Variants in RHOT1 observed in about 807,000 individuals in gnomAD.
RHOT1 encodes the protein mitochondrial Rho GTPase 1.
A neutral mutation model predicts 95.3 loss-of-function variants in RHOT1; 27 were observed. The observed-to-expected ratio is 0.28, with a 90% CI of 0.21 to 0.39. The LOEUF is 0.39. Ranked by LOEUF, RHOT1 falls within the 10% of genes least tolerant of loss-of-function variation. RHOT1 has a pLI of 1.00. For synonymous variants in RHOT1, 227 were observed against 263.5 expected, an observed-to-expected ratio of 0.86 and a Z score of 1.34; for missense variants, 578 against 786.7, an observed-to-expected ratio of 0.73 and a Z score of 3.17.
intron 1 of RHOT1, chr17:32,160,306 A>T (rs2033414849): frequency 6.6e-6 from 1 of 152,096 alleles, no homozygotes; most frequent in East Asian, 1.9e-4. Flanking sequence ...TACAGAGAGG[A>T]GGTACTCACT....
chr17:32,174,922 A>T (rs952870377), intron 3 of RHOT1, among the ~76,000 whole-genome samples: 2 of 152,188 alleles, frequency 1.3e-5, no homozygotes, highest in African/African-American at 4.8e-5. Flanking sequence ...CCTGCTATCT[A>T]GATCTTAAGC....
At chr17:32,224,563 A>G in intron 19 of RHOT1, 53 bp from the exon 20 acceptor site, 1 of 1,263,758 alleles carries the variant, frequency 7.9e-7, no homozygotes, top group Non-Finnish European at 1.1e-6. Context: ...TAACTGGTAT[A>G]GGGTTTTCAT....
At chr17:32,222,903 G>A (rs2038919050) in intron 19 of RHOT1, 1 of 985,244 alleles carries the variant, frequency 1.0e-6, no homozygotes, top group Non-Finnish European at 1.2e-6. Context: ...TTGAAGCCAG[G>A]TAACATTTCC....
chr17:32,175,476 G>C (rs9905372), intron 4 of RHOT1, 114 bp downstream of exon 4: 3 of 1,061,942 alleles, frequency 2.8e-6, no homozygotes, highest in South Asian at 2.7e-5. Context: ...TTTTGGGACC[G>C]TGTTTCACTC....
intron 8 of RHOT1, among the ~76,000 whole-genome samples, chr17:32,190,136 A>G (rs1289822625): frequency 2.0e-5 from 3 of 152,038 alleles, no homozygotes; most frequent in Non-Finnish European, 4.4e-5. Context: ...AGAGCTCTTT[A>G]GCTTTGCATT....
intron 11 of RHOT1, among the ~76,000 whole-genome samples, chr17:32,194,312 G>A (rs1598409679): frequency 6.6e-6 from 1 of 152,124 alleles, no homozygotes; most frequent in East Asian, 1.9e-4. Flanking sequence ...TATTTTTAAG[G>A]TTGATTTAGC....
At chr17:32,199,219 A>C (rs936609360) in intron 12 of RHOT1, among the ~76,000 whole-genome samples, 186 bp from the exon 13 acceptor site, 1 of 152,192 alleles carries the variant, frequency 6.6e-6, no homozygotes, top group Non-Finnish European at 1.5e-5. Flanking sequence ...GAAAATGTCT[A>C]ATTTCTAATA....
intron 1 of RHOT1, 65 bp downstream of exon 1, chr17:32,142,794 C>G: frequency 7.5e-7 from 1 of 1,330,268 alleles, no homozygotes; most frequent in Non-Finnish European, 1.0e-6. Flanking sequence ...GCCCCTGTCG[C>G]CCCTGTCGCC....
intron 2 of RHOT1, among the ~76,000 whole-genome samples, chr17:32,171,765 A>G (rs920692894): frequency 2.6e-5 from 4 of 152,184 alleles, no homozygotes; most frequent in African/African-American, 9.6e-5. Flanking sequence ...ATTATGATAC[A>G]TATATTTGAA....
chr17:32,151,430 A>G (rs1567651608), intron 1 of RHOT1: 3 of 633,884 alleles, frequency 4.7e-6, no homozygotes, highest in East Asian at 7.4e-5. Context: ...CTGTGGTGGT[A>G]TCACCTTCAT....
At chr17:32,189,818 C>A (rs182666982) in intron 8 of RHOT1, among the ~76,000 whole-genome samples, 2 of 150,474 alleles carry the variant, frequency 1.3e-5, no homozygotes, top group East Asian at 3.9e-4. Context: ...CTGCAACCTC[C>A]GCCTCCCAGG....
At chr17:32,173,978 C>G (rs1598351253) in intron 3 of RHOT1, 66 bp downstream of exon 3, 2 of 1,116,076 alleles carry the variant, frequency 1.8e-6, no homozygotes, top group East Asian at 2.4e-5. Context: ...AAGATACTTA[C>G]TGAGCTTTTA....
chr17:32,216,800 C>T (rs968332827), intron 19 of RHOT1, among the ~76,000 whole-genome samples: 2 of 152,042 alleles, frequency 1.3e-5, no homozygotes, highest in African/African-American at 4.8e-5. Flanking sequence ...TTCTAAAAAT[C>T]TTAATGTTGT....
At position 32,199,115 on chromosome 17, in the gene RHOT1, A is replaced by T. The variant is rs922674115; in HGVS notation, c.954+84A>T. ...ATAACTCTGTTCCCTGAGCTATGGG[A>T]TGTGTATGTTACATAGCCAAAAACT... On this transcript the variant is annotated intron_variant, in intron 12 of 19. Coordinates refer to ENST00000545287, the MANE Select transcript of RHOT1 (RefSeq NM_001033566.3). 4 of 1,107,888 alleles carry T rather than the reference A, an allele frequency of 3.6e-6. No individual in the cohort carries two copies. In the African/African-American group the frequency reaches 6.3e-5, roughly 17 times the overall value. The allele number at this position is 1,107,888 out of a possible 1,614,324, so 68.6% of individuals were successfully genotyped here. A position where few individuals can be genotyped will look rare whatever the true frequency, so the allele number is the denominator to read the frequency against.
At chr17:32,198,830 T>G (rs776178922) in intron 11 of RHOT1, 117 bp from the exon 12 acceptor site, 17 of 667,830 alleles carry the variant, frequency 2.5e-5, no homozygotes, top group African/African-American at 3.6e-5. Context: ...TGATACCAAG[T>G]GAAGATATTC....
chr17:32,222,310 T>C (rs142184973), intron 19 of RHOT1, among the ~76,000 whole-genome samples: 19 of 152,326 alleles, frequency 1.2e-4, no homozygotes, highest in African/African-American at 4.1e-4. Context: ...TTCACAGATA[T>C]ATATTTGTAG....
At chr17:32,211,894 C>T (rs889104760) in intron 19 of RHOT1, among the ~76,000 whole-genome samples, 1 of 151,664 alleles carries the variant, frequency 6.6e-6, no homozygotes, top group Non-Finnish European at 1.5e-5. Flanking sequence ...TAAAGTAACA[C>T]GCTTTTAAGA....
At chr17:32,161,095 A>T (rs777525927) in intron 1 of RHOT1, among the ~76,000 whole-genome samples, 14 of 152,202 alleles carry the variant, frequency 9.2e-5, no homozygotes, top group Non-Finnish European at 2.1e-4. Flanking sequence ...GTAAAGAAAT[A>T]ACTTAATTAA....
At chr17:32,177,826 T>G (rs1379493166) in intron 6 of RHOT1, among the ~76,000 whole-genome samples, 1 of 149,652 alleles carries the variant, frequency 6.7e-6, no homozygotes, top group Non-Finnish European at 1.5e-5. Context: ...TCTTTCTTTC[T>G]TCTTTTTTTT....
Sources: allele counts gnomAD v4.1 joint callset (sites outside exome capture counted in the v4.1 genomes callset), GRCh38; gene constraint gnomAD v4.1.1; transcripts MANE v1.5; gene names NCBI Gene and HGNC (gene_info 2026-07-23, HGNC 2026-07-21).